Variants in ASNS observed in about 807,000 individuals in gnomAD.
ASNS encodes asparagine synthetase (glutamine-hydrolyzing), also known as asparagine synthetase [glutamine-hydrolyzing].
A neutral mutation model predicts 62.6 loss-of-function variants in ASNS; 37 were observed. The ratio of observed to expected loss-of-function variants is 0.59; its 90% CI spans 0.45 to 0.78. The LOEUF (loss-of-function observed/expected upper bound fraction) is 0.78. Ranked by LOEUF, ASNS falls within the 30% of genes least tolerant of loss-of-function variation. The pLI, the probability that ASNS is intolerant of heterozygous loss-of-function variation, is 0.00. For missense variants in ASNS, 520 were observed against 682.4 expected (o/e 0.76, Z 2.65); for synonymous variants, 207 against 237.9 (o/e 0.87, Z 1.19).
At chr7:97,862,300 G>GA (rs1791758123) in intron 4 of ASNS, among the ~76,000 whole-genome samples, 1 of 152,044 alleles carries the variant, frequency 6.6e-6, no homozygotes, top group African/African-American at 2.4e-5. Context: ...ATCAAGCCAT[G>GA]AAAAAACACA....
the ASNS span, among the ~76,000 whole-genome samples, chr7:97,901,924 G>A: frequency 6.6e-6 from 1 of 152,098 alleles, no homozygotes; most frequent in Non-Finnish European, 1.5e-5. Flanking sequence ...GTTGCAGTGA[G>A]TCACTATTAT....
upstream of ASNS, among the ~76,000 whole-genome samples, chr7:97,876,428 TA>T (rs1457126798): frequency 5.9e-5 from 8 of 134,886 alleles, no homozygotes; most frequent in Admixed American, 2.9e-4. Context: ...GACTCAAACA[TA>T]TTTTTTTTTT....
At chr7:97,920,961 T>C in the ASNS span, among the ~76,000 whole-genome samples, 1 of 152,172 alleles carries the variant, frequency 6.6e-6, no homozygotes, top group Non-Finnish European at 1.5e-5. Context: ...TTGTAAGCTG[T>C]GTAAGGTGAG....
the ASNS span, among the ~76,000 whole-genome samples, chr7:97,889,083 C>T: frequency 1.2e-3 from 182 of 152,316 alleles, no homozygotes; most frequent in African/African-American, 4.3e-3. Flanking sequence ...CCCACGCAGA[C>T]AGGCTATCAT....
the ASNS span, chr7:97,908,927 A>C: frequency 6.6e-6 from 1 of 152,120 alleles, no homozygotes; most frequent in Non-Finnish European, 1.5e-5. Flanking sequence ...ATTCTCTTAC[A>C]GGTGTTTTAA....
intron 4 of ASNS, chr7:97,863,707 C>T (rs1791830460): frequency 6.6e-6 from 1 of 152,486 alleles, no homozygotes; most frequent in South Asian, 2.1e-4. Context: ...CCTAGTTGAT[C>T]CTGCCAGCAA....
At chr7:97,877,483 G>A (rs1792465989), upstream of ASNS, among the ~76,000 whole-genome samples, 1 of 152,186 alleles carries the variant, frequency 6.6e-6, no homozygotes, top group Non-Finnish European at 1.5e-5. Context: ...CTGTTTCCAT[G>A]AGCCAAGGGT....
the ASNS span, among the ~76,000 whole-genome samples, chr7:97,907,209 TC>T: frequency 6.6e-6 from 1 of 152,220 alleles, no homozygotes; most frequent in South Asian, 2.1e-4. Flanking sequence ...AACTAAGCCT[TC>T]CCTGCTAACC....
At chr7:97,917,976 G>A in the ASNS span, among the ~76,000 whole-genome samples, 1 of 152,228 alleles carries the variant, frequency 6.6e-6, no homozygotes, top group Admixed American at 6.5e-5. Flanking sequence ...GCCTGAAGAA[G>A]GCAAATGCAG....
At chr7:97,878,497 C>A in the ASNS span, among the ~76,000 whole-genome samples, 1 of 152,110 alleles carries the variant, frequency 6.6e-6, no homozygotes, top group Non-Finnish European at 1.5e-5. Context: ...TTCGTATACA[C>A]CAATAACAAA....
chr7:97,853,344 G>A lies in ASNS; in HGVS notation c.1281C>T (p.Ser427=), dbSNP rs768750423. Residue 427 remains serine (S), a synonymous_variant, in exon 11 of 13, where the codon TCC becomes TCT. Coordinates refer to ENST00000394308, the MANE Select transcript of ASNS (RefSeq NM_001673.5). ...TTTCTGGTGGCAGAGACAAGTAATA[G>A]GAAGAAAATCGATGATCTAGAAATG... ...RVPFLDHRFS[S]YYLSLPPEMR... is the part of the protein sequence containing the mutation. 40 of 1,613,118 alleles carry A rather than the reference G, an allele frequency of 2.5e-5. No homozygotes were observed. Among genetic ancestry groups the A allele is most frequent in the Non-Finnish European group, 3.2e-5 (38 of 1,179,836 alleles).
chr7:97,876,451 C>T (rs113541287), upstream of ASNS, among the ~76,000 whole-genome samples: 3 of 131,936 alleles, frequency 2.3e-5, no homozygotes, highest in East Asian at 2.3e-4. Flanking sequence ...TTTTTTGAGA[C>T]GGAGTCTTGC....
intron 10 of ASNS, among the ~76,000 whole-genome samples, chr7:97,854,103 G>A (rs1403255982): frequency 6.6e-6 from 1 of 152,204 alleles, no homozygotes. Context: ...TCTTTATAAT[G>A]TAATCAAACC....
At chr7:97,890,671 C>T in the ASNS span, among the ~76,000 whole-genome samples, 5 of 152,056 alleles carry the variant, frequency 3.3e-5, no homozygotes, top group African/African-American at 9.7e-5. Flanking sequence ...CATTTGATCC[C>T]AGGAGTTCAA....
At chr7:97,915,311 C>T in the ASNS span, among the ~76,000 whole-genome samples, 2 of 152,216 alleles carry the variant, frequency 1.3e-5, no homozygotes, top group African/African-American at 4.8e-5. Flanking sequence ...GTGCACCCAG[C>T]GACCAGCCAG....
At chr7:97,905,898 C>G in the ASNS span, among the ~76,000 whole-genome samples, 8 of 152,284 alleles carry the variant, frequency 5.3e-5, no homozygotes, top group African/African-American at 1.7e-4. Flanking sequence ...CCTGCTATGC[C>G]CTCAAGTCAT....
chr7:97,901,784 C>A, the ASNS span, among the ~76,000 whole-genome samples: 1 of 151,964 alleles, frequency 6.6e-6, no homozygotes, highest in Non-Finnish European at 1.5e-5. Flanking sequence ...TTGAGACCAG[C>A]CTGGCCAACA....
the ASNS span, among the ~76,000 whole-genome samples, chr7:97,888,749 T>A: frequency 4.4e-4 from 67 of 152,318 alleles, no homozygotes; most frequent in African/African-American, 1.4e-3. Context: ...TGATGAGGGT[T>A]AGTTGTATTA....
At position 97,869,157 on chromosome 7, in the gene ASNS, G is replaced by A. The variant is rs753144542; in HGVS notation, c.-1C>T. On this transcript the variant is annotated 5_prime_UTR_variant, in exon 3 of 13. Transcript: ENST00000394308. Reference sequence around the variant, plus strand: ...CAAACAGCGCCCAAATGCCACACATGGTGCAATGAAGCTATAAGCTTTCTA... The same window carrying A: ...CAAACAGCGCCCAAATGCCACACATAGTGCAATGAAGCTATAAGCTTTCTA... The A allele has an allele frequency of 6.8e-6, 11 of 1,613,342 alleles. No individual in the cohort carries two copies. Among genetic ancestry groups the A allele is most frequent in the Non-Finnish European group, 8.5e-6 (10 of 1,179,486 alleles).
Sources: gnomAD v4.1 joint callset for allele counts (sites outside exome capture counted in the v4.1 genomes callset) on GRCh38, gnomAD v4.1.1 for gene constraint, MANE v1.5 for transcripts, NCBI Gene and HGNC (gene_info 2026-07-23, HGNC 2026-07-21) for gene names.